Variants in PGAP2 observed in about 807,000 individuals in gnomAD.
PGAP2 encodes post-GPI attachment to proteins 2.
In PGAP2, 21 loss-of-function variants were observed where a neutral mutation model predicts 33.2. The ratio of observed to expected loss-of-function variants is 0.63; its 90% CI spans 0.45 to 0.91. The LOEUF is 0.91. PGAP2 is among the 40% of genes least tolerant of loss of function. The pLI, the probability that PGAP2 is intolerant of heterozygous loss-of-function variation, is 0.00. For missense variants in PGAP2, 345 were observed against 424.0 expected, an observed-to-expected ratio of 0.81 and a Z score of 1.64; for synonymous variants, 161 against 172.9, an observed-to-expected ratio of 0.93 and a Z score of 0.54.
rs772209725 is a variant in PGAP2 at position 3,824,008 on chromosome 11, C to A, written c.474C>A (p.Asn158Lys). Residue 158 changes from asparagine to lysine, a missense_variant, in exon 4 of 7, where the codon AAC becomes AAA. Physicochemically the swap from Asn to Lys is moderately conservative, Grantham distance 94. Transcript: ENST00000278243. Reference protein sequence around the residue: ...PRFLVAFAYWNHYLSCTSPCS... With the variant: ...PRFLVAFAYWKHYLSCTSPCS... ...TCTTGGTGGCCTTCGCCTACTGGAACCACTACCTCAGCTGCACCTCCCCGT... is the reference window on the plus strand; with the variant it reads ...TCTTGGTGGCCTTCGCCTACTGGAAACACTACCTCAGCTGCACCTCCCCGT... 1 of 1,614,054 alleles carries A rather than the reference C, an allele frequency of 6.2e-7. No individual in the cohort carries two copies. Among genetic ancestry groups the A allele is most frequent in the Admixed American group, 1.7e-5 (1 of 60,028 alleles).
intron 1 of PGAP2, chr11:3,798,103 C>T: frequency 6.7e-7 from 1 of 1,487,800 alleles, no homozygotes; most frequent in Non-Finnish European, 8.9e-7. Flanking sequence ...CTTGGAAGGT[C>T]TGTCTGTCCA....
intron 1 of PGAP2, among the ~76,000 whole-genome samples, chr11:3,799,308 C>A (rs899131371): frequency 6.6e-6 from 1 of 151,448 alleles, no homozygotes; most frequent in Admixed American, 6.6e-5. Context: ...GATGCTGAGG[C>A]GGGCAGATTA....
At chr11:3,814,964 G>C (rs547661850) in intron 2 of PGAP2, among the ~76,000 whole-genome samples, 2 of 137,262 alleles carry the variant, frequency 1.5e-5, no homozygotes, top group South Asian at 4.6e-4. Context: ...TTGAGGCAGG[G>C]TCTTGCTCTG....
At chr11:3,799,858 T>C (rs1278559176) in intron 1 of PGAP2, among the ~76,000 whole-genome samples, 1 of 152,040 alleles carries the variant, frequency 6.6e-6, no homozygotes, top group African/African-American at 2.4e-5. Flanking sequence ...TCCCAGCTAC[T>C]AGGGAGGCTG....
rs531622647 is a variant in PGAP2, at chr11:3,811,912, G to C, written c.165+488G>C. On this transcript the variant is annotated intron_variant, in intron 2 of 6. Coordinates refer to ENST00000278243, the MANE Select transcript of PGAP2 (RefSeq NM_014489.4). This position sits in a 1 kb window ranked among gnomAD's most constrained non-coding sequence, Gnocchi z 4.6. ...TATGGGCTTGTGCCTGTCTCTGTAG[G>C]AATGTGACTCAGTATATGTGTGTGT... 1.3e-5 allele frequency among the ~76,000 whole-genome samples: 2 copies of C among 152,272 alleles called. No individual in the cohort carries two copies. The highest frequency in any genetic ancestry group is 4.8e-5 in the African/African-American group (2 of 41,560).
At chr11:3,819,856 G>A (rs773409347) in intron 3 of PGAP2, among the ~76,000 whole-genome samples, 18 of 152,046 alleles carry the variant, frequency 1.2e-4, no homozygotes, top group Admixed American at 9.8e-4. Context: ...GTATATGTGC[G>A]TGTGTGTGTA....
At chr11:3,808,776 A>C (rs1001745022) in intron 1 of PGAP2, 125 bp downstream of exon 1, 1 of 286,044 alleles carries the variant, frequency 3.5e-6, no homozygotes, top group Non-Finnish European at 5.3e-6. Flanking sequence ...GTCCTATCGC[A>C]CACACTCTGT....
At chr11:3,822,075 A>C in intron 3 of PGAP2, among the ~76,000 whole-genome samples, 1 of 150,414 alleles carries the variant, frequency 6.6e-6, no homozygotes, top group African/African-American at 2.4e-5. Flanking sequence ...CAAAAGCAAA[A>C]ACAAAACGGC....
intron 3 of PGAP2, chr11:3,822,844 C>T: frequency 1.1e-6 from 1 of 882,150 alleles, no homozygotes; most frequent in Admixed American, 2.7e-5. Flanking sequence ...CCCATCCTTT[C>T]ACCTCTCAAA....
chr11:3,823,376 C>G (rs2089340365), intron 3 of PGAP2, among the ~76,000 whole-genome samples: 1 of 152,160 alleles, frequency 6.6e-6, no homozygotes, highest in Admixed American at 6.5e-5. Context: ...GGGTGCCATT[C>G]TACCACCTTG....
chr11:3,817,617 G>A (rs768098576), intron 3 of PGAP2, 82 bp downstream of exon 3: 49 of 1,169,470 alleles, frequency 4.2e-5, no homozygotes, highest in Non-Finnish European at 5.8e-5. Flanking sequence ...TGGAGAGGAA[G>A]TGGAGGATCA....
upstream of PGAP2, among the ~76,000 whole-genome samples, chr11:3,806,328 C>A (rs933825128): frequency 6.6e-6 from 1 of 152,024 alleles, no homozygotes; most frequent in African/African-American, 2.4e-5. Context: ...AGAGGTAGTT[C>A]TTTTTGTAAA....
chr11:3,819,458 C>T (rs1479083975), intron 3 of PGAP2, among the ~76,000 whole-genome samples: 1 of 151,734 alleles, frequency 6.6e-6, no homozygotes, highest in African/African-American at 2.4e-5. Flanking sequence ...GGATTGACAG[C>T]AAATGGAGTT....
chr11:3,814,782 TTC>T (rs1262382472), intron 2 of PGAP2, among the ~76,000 whole-genome samples: 19 of 108,622 alleles, frequency 1.7e-4, no homozygotes, highest in South Asian at 3.2e-4. Context: ...CTTTCTTTCT[TTC>T]TTTCTTTCTT....
At chr11:3,812,746 G>A (rs532763302) in intron 2 of PGAP2, among the ~76,000 whole-genome samples, 16 of 152,302 alleles carry the variant, frequency 1.1e-4, no homozygotes, top group Admixed American at 5.9e-4. Context: ...TTAGCAGTGG[G>A]GTCTAGCTGT....
intron 1 of PGAP2, chr11:3,798,196 C>T (rs1032153590): frequency 7.9e-7 from 1 of 1,273,298 alleles, no homozygotes; most frequent in Non-Finnish European, 1.0e-6. Flanking sequence ...CACTTTCTTT[C>T]CCTCCCTGAA....
chr11:3,824,620 G>GGGGATAGAATGAGGAGTCGCATCTA, intron 5 of PGAP2: 2 of 698,532 alleles, frequency 2.9e-6, no homozygotes, highest in South Asian at 3.7e-5. Flanking sequence ...GGCTGCAAAT[G>GGGGATAGAATGAGGAGTCGCATCTA]GGGATAGAAT....
chr11:3,803,449 A>T (rs2083803530), intron 1 of PGAP2, among the ~76,000 whole-genome samples: 1 of 150,530 alleles, frequency 6.6e-6, no homozygotes, highest in Non-Finnish European at 1.5e-5. Context: ...TTTTTTTGAG[A>T]TGGAGTCTCA....
chr11:3,804,702 G>T (rs1364063801), upstream of PGAP2, among the ~76,000 whole-genome samples: 2 of 151,780 alleles, frequency 1.3e-5, no homozygotes, highest in African/African-American at 2.4e-5. Flanking sequence ...TTTTTAATTT[G>T]TATTTATTTA....
Sources: allele counts gnomAD v4.1 joint callset (sites outside exome capture counted in the v4.1 genomes callset), GRCh38; gene constraint gnomAD v4.1.1; non-coding constraint Gnocchi (gnomAD v3.1); transcripts MANE v1.5; gene names NCBI Gene and HGNC (gene_info 2026-07-23, HGNC 2026-07-21).